The following MET variants were observed in gnomAD, a reference collection of about 807,000 sequenced individuals.
MET encodes the protein MET proto-oncogene, receptor tyrosine kinase, also known as hepatocyte growth factor receptor.
MET carries 48 observed loss-of-function variants against 133.1 expected under a neutral mutation model. That is an observed-to-expected ratio of 0.36 (90% confidence interval 0.29 to 0.46). MET has a LOEUF of 0.46. MET is among the 20% of genes least tolerant of loss of function. The pLI is 1.00. For synonymous variants in MET, 628 were observed against 616.5 expected (o/e 1.02, Z -0.28); for missense variants, 1,442 against 1,695.9 (o/e 0.85, Z 2.63).
chr7:116,796,176 A>T lies in MET; in HGVS notation c.*52A>T. On this transcript the variant is annotated 3_prime_UTR_variant, in exon 21 of 21. Transcript: ENST00000397752. ...CCACACTTTGTCCAATGGTTTTTTC[A>T]CTGCCTGACCTTTAAAAGGCCATCG... 1 of 1,538,608 alleles carries T rather than the reference A, an allele frequency of 6.5e-7. No individual in the cohort carries two copies. Among genetic ancestry groups the T allele is most frequent in the Non-Finnish European group, 9.0e-7 (1 of 1,114,658 alleles).
At chr7:116,739,582 A>C (rs1175900253) in intron 3 of MET, among the ~76,000 whole-genome samples, 5 of 152,232 alleles carry the variant, frequency 3.3e-5, no homozygotes, top group Admixed American at 2.6e-4. Flanking sequence ...GGATATATTT[A>C]AAAAATAATC....
At chr7:116,726,866 A>G (rs1792812314) in intron 2 of MET, among the ~76,000 whole-genome samples, 1 of 152,242 alleles carries the variant, frequency 6.6e-6, no homozygotes, top group Non-Finnish European at 1.5e-5. Flanking sequence ...ATAGGAGACC[A>G]GAAGGCCAGT....
intron 2 of MET, among the ~76,000 whole-genome samples, chr7:116,700,863 G>A (rs930339633): frequency 2.0e-5 from 3 of 152,214 alleles, no homozygotes; most frequent in Middle Eastern, 3.4e-3. Context: ...AAATGAGCTC[G>A]TATACTTCTC....
intron 5 of MET, among the ~76,000 whole-genome samples, chr7:116,754,949 AAGAG>A (rs1307806710): frequency 7.7e-6 from 1 of 129,288 alleles, no homozygotes; most frequent in Non-Finnish European, 1.7e-5. Flanking sequence ...GAAAGAAAGA[AAGAG>A]AAAGAAAGAG....
chr7:116,724,867 C>A (rs1296171493), intron 2 of MET: 1 of 1,283,724 alleles, frequency 7.8e-7, no homozygotes, highest in Non-Finnish European at 1.0e-6. Context: ...ACACTCAGTG[C>A]CTCAGTTTCC....
chr7:116,673,075 T>G (rs561311108), intron 1 of MET, among the ~76,000 whole-genome samples: 81 of 152,276 alleles, frequency 5.3e-4, no homozygotes, highest in Admixed American at 2.8e-3. Context: ...CCATCAATTT[T>G]CCATCGTACC....
rs1795663778 is a variant in MET, at chr7:116,796,061, A to T, written c.4110A>T (p.Ser1370=). Residue 1370 remains serine (S), a synonymous_variant, in exon 21 of 21, where the codon TCA becomes TCT. Transcript: ENST00000397752. Reference sequence around the variant, plus strand: ...TCGCTCCGTATCCTTCTCTGTTGTCATCAGAAGATAACGCTGATGATGAGG... The same window carrying T: ...TCGCTCCGTATCCTTCTCTGTTGTCTTCAGAAGATAACGCTGATGATGAGG... ...KCVAPYPSLL[S]SEDNADDEVD... 2 of 1,613,976 alleles carry T rather than the reference A, an allele frequency of 1.2e-6. No individual in the cohort carries two copies. Among genetic ancestry groups the T allele is most frequent in the Non-Finnish European group, 1.7e-6 (2 of 1,179,924 alleles).
chr7:116,775,982 A>G (rs1287863113), intron 15 of MET, among the ~76,000 whole-genome samples: 4 of 152,246 alleles, frequency 2.6e-5, no homozygotes, highest in Non-Finnish European at 5.9e-5. Context: ...AGCAGCAATA[A>G]CAGCTAGCAT....
At chr7:116,766,490 C>T (rs1794633388) in intron 11 of MET, among the ~76,000 whole-genome samples, 2 of 152,156 alleles carry the variant, frequency 1.3e-5, no homozygotes, top group Non-Finnish European at 2.9e-5. Context: ...TCCTAATCCA[C>T]CTGCTGCCCA....
intron 1 of MET, among the ~76,000 whole-genome samples, chr7:116,690,750 G>A (rs1218521600): frequency 6.6e-6 from 1 of 152,182 alleles, no homozygotes; most frequent in Non-Finnish European, 1.5e-5. Flanking sequence ...AGATTTCGGA[G>A]TTTATCCTGT....
intron 5 of MET, among the ~76,000 whole-genome samples, chr7:116,742,259 G>T (rs1793487190): frequency 6.6e-6 from 1 of 152,182 alleles, no homozygotes; most frequent in African/African-American, 2.4e-5. Flanking sequence ...GTTATTTTCT[G>T]TTAGGTGTGA....
At chr7:116,684,488 T>G (rs1288127047) in intron 1 of MET, among the ~76,000 whole-genome samples, 2 of 152,212 alleles carry the variant, frequency 1.3e-5, no homozygotes, top group Non-Finnish European at 2.9e-5. Flanking sequence ...AGGTTTGATG[T>G]TTGAGCACAT....
rs940886110 is a variant in MET at position 116,796,743 on chromosome 7, C to T, written c.*619C>T. On this transcript the variant is annotated 3_prime_UTR_variant, in exon 21 of 21. Coordinates refer to ENST00000397752, the MANE Select transcript of MET (RefSeq NM_000245.4). ...CTCCACCTCCCAGGCTCAAGCCTCCCGAATAGCTGGGACTACAGGCGCACA... is the reference window on the plus strand; with the variant it reads ...CTCCACCTCCCAGGCTCAAGCCTCCTGAATAGCTGGGACTACAGGCGCACA... 3.0e-5 allele frequency: 6 copies of T among 198,106 alleles called. No individual in the cohort carries two copies. The highest frequency in any genetic ancestry group is 5.2e-5 in the Non-Finnish European group (5 of 95,456). 12.3% of individuals were successfully genotyped at this position (198,106 alleles called of 1,614,324 possible). A position where few individuals can be genotyped will look rare whatever the true frequency, so the allele number is the denominator to read the frequency against.
chr7:116,725,117 T>G (rs1792690076), intron 2 of MET, among the ~76,000 whole-genome samples: 1 of 152,156 alleles, frequency 6.6e-6, no homozygotes, highest in South Asian at 2.1e-4. Flanking sequence ...TATGATGTAA[T>G]GTAAGGAATA....
chr7:116,711,567 CT>C (rs1310987823), intron 2 of MET, among the ~76,000 whole-genome samples: 1 of 151,862 alleles, frequency 6.6e-6, no homozygotes, highest in African/African-American at 2.4e-5. Context: ...ATTTTTACTT[CT>C]TTTCTTCTCT....
At chr7:116,674,434 A>T (rs934993837) in intron 1 of MET, among the ~76,000 whole-genome samples, 1 of 152,120 alleles carries the variant, frequency 6.6e-6, no homozygotes, top group Non-Finnish European at 1.5e-5. Flanking sequence ...TTAAAAAAAA[A>T]TTGTCTTAAT....
At chr7:116,695,876 G>A (rs2116561550) in intron 1 of MET, 1 of 397,582 alleles carries the variant, frequency 2.5e-6, no homozygotes, top group South Asian at 2.0e-5. Flanking sequence ...CTTGTCCTCT[G>A]GTCCAACTAC....
chr7:116,776,080 T>C lies in MET; in HGVS notation c.3259+969T>C, dbSNP rs184984861. Among the ~76,000 whole-genome samples the C allele has an allele frequency of 1.6e-3, 237 of 152,232 alleles. 2 individuals carry two copies. The Middle Eastern group carries it at 0.017, about 11-fold the overall frequency. On this transcript the variant is annotated intron_variant, in intron 15 of 20. Coordinates refer to ENST00000397752, the MANE Select transcript of MET (RefSeq NM_000245.4). Reference sequence around the variant, plus strand: ...TCATTCTTCTTGTTGTTTTTTTTTTTCTAAAAAGCTTTTACCCTTAATACT... The same window carrying C: ...TCATTCTTCTTGTTGTTTTTTTTTTCCTAAAAAGCTTTTACCCTTAATACT...
chr7:116,723,076 T>A (rs1482220350), intron 2 of MET, among the ~76,000 whole-genome samples: 2 of 139,534 alleles, frequency 1.4e-5, no homozygotes, highest in Non-Finnish European at 3.1e-5. Flanking sequence ...CTGCAGAGTG[T>A]TTTCCAACTT....
Sources: gnomAD v4.1 joint callset for allele counts (sites outside exome capture counted in the v4.1 genomes callset) on GRCh38, gnomAD v4.1.1 for gene constraint, MANE v1.5 for transcripts, NCBI Gene and HGNC (gene_info 2026-07-23, HGNC 2026-07-21) for gene names.